The following LYRM4 variants were observed in gnomAD, a reference collection of about 807,000 sequenced individuals.
The protein encoded by LYRM4 is LYR motif-containing protein 4.
Under a neutral mutation model 11.7 loss-of-function variants are expected in LYRM4, and 9 were observed. The observed-to-expected ratio is 0.77, with a 90% CI of 0.46 to 1.34. The LOEUF (loss-of-function observed/expected upper bound fraction) is 1.34, where lower values mean the gene tolerates loss of function less well. Ranked by LOEUF, LYRM4 falls within the 40% of genes most tolerant of loss-of-function variation. The pLI is 0.00. For missense variants in LYRM4, 133 were observed against 112.5 expected, an observed-to-expected ratio of 1.18 and a Z score of -0.82; for synonymous variants, 42 against 40.4, an observed-to-expected ratio of 1.04 and a Z score of -0.15.
rs1230095382 is a variant in LYRM4, at chr6:5,157,933, T to C, written c.208-48442A>G. Among the ~76,000 whole-genome samples, 3 of 152,238 alleles carry C rather than the reference T, an allele frequency of 2.0e-5. No homozygotes were observed. In the East Asian group the frequency reaches 5.8e-4, roughly 29 times the overall value. ...CCGCCTCTGCACTGTCGGCAGGCCCTGCTGCCATCCAGGAGGTCTAATGAA... is the reference window on the plus strand; with the variant it reads ...CCGCCTCTGCACTGTCGGCAGGCCCCGCTGCCATCCAGGAGGTCTAATGAA... On this transcript the variant is annotated intron_variant, in intron 2 of 2. Transcript: ENST00000330636.
intron 2 of LYRM4, among the ~76,000 whole-genome samples, chr6:5,142,955 G>T (rs1035409065): frequency 1.3e-5 from 2 of 152,200 alleles, no homozygotes; most frequent in Non-Finnish European, 2.9e-5. Context: ...CCGGTCCCCT[G>T]TGTTTTCAGT....
At chr6:5,112,540 G>A (rs1474859117) in intron 2 of LYRM4, among the ~76,000 whole-genome samples, 1 of 152,232 alleles carries the variant, frequency 6.6e-6, no homozygotes, top group East Asian at 1.9e-4. Flanking sequence ...AGCAGCTCAA[G>A]CCCTGAGTCA....
At chr6:5,130,729 A>T (rs1462868822) in intron 2 of LYRM4, among the ~76,000 whole-genome samples, 1 of 152,166 alleles carries the variant, frequency 6.6e-6, no homozygotes, top group Non-Finnish European at 1.5e-5. Context: ...CTAGGGAAAC[A>T]GGTCTTGGTG....
chr6:5,184,372 T>A (rs1416489616), intron 2 of LYRM4, among the ~76,000 whole-genome samples: 1 of 152,156 alleles, frequency 6.6e-6, no homozygotes, highest in Non-Finnish European at 1.5e-5. Context: ...GAAAAGAAGT[T>A]GAAATTTTCT....
At chr6:5,244,608 C>T (rs996996346) in intron 1 of LYRM4, among the ~76,000 whole-genome samples, 5 of 152,044 alleles carry the variant, frequency 3.3e-5, no homozygotes, top group Admixed American at 6.6e-5. Flanking sequence ...AGACCTGAGT[C>T]CCTTACTCTG....
At chr6:5,211,267 A>G (rs1228377385) in intron 2 of LYRM4, among the ~76,000 whole-genome samples, 1 of 152,176 alleles carries the variant, frequency 6.6e-6, no homozygotes, top group Non-Finnish European at 1.5e-5. Context: ...GTGACTGACA[A>G]TGAGAGAGGG....
intron 1 of LYRM4, among the ~76,000 whole-genome samples, chr6:5,255,239 T>A (rs907851942): frequency 1.3e-5 from 2 of 152,222 alleles, no homozygotes; most frequent in African/African-American, 4.8e-5. Flanking sequence ...TTTTCATAGT[T>A]ATCAGGAAGA....
chr6:5,250,292 T>C (rs1382073231), intron 1 of LYRM4, among the ~76,000 whole-genome samples: 11 of 152,158 alleles, frequency 7.2e-5, no homozygotes, highest in African/African-American at 2.7e-4. Context: ...TTAGAAACTC[T>C]TGTAAACTAC....
intron 2 of LYRM4, among the ~76,000 whole-genome samples, chr6:5,197,440 G>A (rs1228601849): frequency 6.6e-6 from 1 of 152,164 alleles, no homozygotes; most frequent in Non-Finnish European, 1.5e-5. Context: ...TTGGGAGGCC[G>A]AGGCCTGTGG....
chr6:5,166,722 T>C (rs1464759493), intron 2 of LYRM4, among the ~76,000 whole-genome samples: 3 of 152,188 alleles, frequency 2.0e-5, no homozygotes, highest in South Asian at 4.1e-4. Context: ...AAGTGATAAG[T>C]TGCTTAAAAT....
intron 2 of LYRM4, among the ~76,000 whole-genome samples, chr6:5,208,723 G>A (rs1222305942): frequency 6.6e-6 from 1 of 152,168 alleles, no homozygotes; most frequent in Non-Finnish European, 1.5e-5. Flanking sequence ...CCCCAGACTC[G>A]AGGATTTACT....
intron 2 of LYRM4, among the ~76,000 whole-genome samples, chr6:5,207,176 C>T (rs964601091): frequency 1.7e-4 from 26 of 152,276 alleles, no homozygotes; most frequent in African/African-American, 6.3e-4. Context: ...GAAAAAGCCA[C>T]GCCGTTTTTT....
chr6:5,249,644 A>G (rs1216702428), intron 1 of LYRM4, among the ~76,000 whole-genome samples: 1 of 152,198 alleles, frequency 6.6e-6, no homozygotes, highest in Non-Finnish European at 1.5e-5. Context: ...TTGCATTCCT[A>G]TCACAGATCC....
At chr6:5,208,131 CAA>C (rs910946657) in intron 2 of LYRM4, among the ~76,000 whole-genome samples, 7 of 152,278 alleles carry the variant, frequency 4.6e-5, no homozygotes, top group African/African-American at 1.7e-4. Context: ...ACAACGTATT[CAA>C]AGTGTGGAGT....
At chr6:5,042,378 C>T in the LYRM4 span, 1 of 152,198 alleles carries the variant, frequency 6.6e-6, no homozygotes, top group Non-Finnish European at 1.5e-5. Context: ...ATAATCGGCA[C>T]CACCCAGTCA....
the LYRM4 span, among the ~76,000 whole-genome samples, chr6:5,074,676 AG>A: frequency 6.6e-6 from 1 of 150,712 alleles, no homozygotes; most frequent in Non-Finnish European, 1.5e-5. Context: ...CACAACATGC[AG>A]GTTTGTTAAA....
chr6:5,131,481 C>G (rs565669863), intron 2 of LYRM4, among the ~76,000 whole-genome samples: 20 of 152,346 alleles, frequency 1.3e-4, no homozygotes, highest in African/African-American at 4.8e-4. Flanking sequence ...AGGAGGATCA[C>G]TTGAGGCCAG....
intron 1 of LYRM4, among the ~76,000 whole-genome samples, chr6:5,238,393 C>G (rs1763674990): frequency 6.6e-6 from 1 of 152,020 alleles, no homozygotes; most frequent in Non-Finnish European, 1.5e-5. Context: ...GAAGTCACTC[C>G]CAGCGTAATT....
intron 2 of LYRM4, among the ~76,000 whole-genome samples, chr6:5,129,074 G>A (rs556760657): frequency 4.4e-4 from 67 of 152,350 alleles, no homozygotes; most frequent in Non-Finnish European, 7.6e-4. Flanking sequence ...CCACAACCCT[G>A]CCTGCACCCC....
Sources: gnomAD v4.1 joint callset for allele counts (sites outside exome capture counted in the v4.1 genomes callset) on GRCh38, gnomAD v4.1.1 for gene constraint, MANE v1.5 for transcripts, NCBI Gene and HGNC (gene_info 2026-07-23, HGNC 2026-07-21) for gene names.